ENG: variants seen among roughly 807,000 people sequenced by gnomAD.
ENG encodes the protein endoglin.
A neutral mutation model predicts 71.0 loss-of-function variants in ENG; 17 were observed. The observed-to-expected ratio is 0.24, with a 90% CI of 0.16 to 0.36. The LOEUF (loss-of-function observed/expected upper bound fraction) is 0.36, where lower values mean the gene tolerates loss of function less well. ENG is among the 10% of genes least tolerant of loss of function. The pLI is 1.00. For synonymous variants in ENG, 360 were observed against 366.9 expected, an observed-to-expected ratio of 0.98 and a Z score of 0.21; for missense variants, 749 against 868.3, an observed-to-expected ratio of 0.86 and a Z score of 1.73.
Position 127,818,106 on chromosome 9 carries a change from C to A in ENG, c.1686+14G>T. 1 of 1,614,064 alleles carries A rather than the reference C, an allele frequency of 6.2e-7. No individual in the cohort carries two copies. On this transcript the variant is annotated intron_variant, in intron 12 of 14. Transcript: ENST00000373203. ...CTCCCACTTGAAGCTGGGGCCGGCC[C>A]AGGCCCCACTCACCTGGTCTTGAGA...
intron 1 of ENG, among the ~76,000 whole-genome samples, chr9:127,852,525 C>G (rs41432648): frequency 4.6e-5 from 7 of 152,324 alleles, no homozygotes; most frequent in Non-Finnish European, 1.0e-4. Context: ...TACCTGCTCA[C>G]AGGAACAGAC....
At chr9:127,826,836 C>G (rs1348621438) in intron 3 of ENG, among the ~76,000 whole-genome samples, 164 bp from the exon 4 acceptor site, 1 of 152,100 alleles carries the variant, frequency 6.6e-6, no homozygotes, top group Non-Finnish European at 1.5e-5. Context: ...CCGGAGCCCC[C>G]TAGCAGTCAG....
chr9:127,835,977 C>T (rs1219580990), intron 2 of ENG, among the ~76,000 whole-genome samples: 3 of 152,140 alleles, frequency 2.0e-5, no homozygotes, highest in Non-Finnish European at 2.9e-5. Context: ...AGTTGGGAAA[C>T]TCAGGGGGGC....
chr9:127,840,129 G>A (rs10121110), intron 2 of ENG, among the ~76,000 whole-genome samples: 85,266 of 152,166 alleles, frequency 0.56, 25,434 homozygotes, highest in East Asian at 0.91. Context: ...CAGGTTTCCC[G>A]TGGGAAAATC....
At position 127,815,461 on chromosome 9, in the gene ENG, C is replaced by T; in HGVS notation, c.*221G>A. 1.2e-6 allele frequency: 1 copy of T among 861,606 alleles called. No individual in the cohort carries two copies. Among genetic ancestry groups the T allele is most frequent in the Admixed American group, 3.0e-5 (1 of 33,416 alleles). 53.4% of individuals were successfully genotyped at this position (861,606 alleles called of 1,614,324 possible). A position where few individuals can be genotyped will look rare whatever the true frequency, so the allele number is the denominator to read the frequency against. ...CTCCTGGGCAGCCATATCCCAGACC[C>T]ACTGGGTTGAAGGTTCTGTGGGGTG... On this transcript the variant is annotated 3_prime_UTR_variant, in exon 15 of 15. Coordinates refer to ENST00000373203, the MANE Select transcript of ENG (RefSeq NM_001114753.3).
At chr9:127,832,069 C>CTTTTTTTTTTTTTT (rs1041729379) in intron 2 of ENG, among the ~76,000 whole-genome samples, 2 of 83,642 alleles carry the variant, frequency 2.4e-5, no homozygotes, top group African/African-American at 5.6e-5. Flanking sequence ...AGCTACCATT[C>CTTTTTTTTTTTTTT]TTTTTTTTTT....
At chr9:127,823,252 T>A (rs993329686) in intron 8 of ENG, among the ~76,000 whole-genome samples, 12 of 152,114 alleles carry the variant, frequency 7.9e-5, no homozygotes, top group African/African-American at 2.9e-4. Context: ...TTCAGGCCAT[T>A]CTCCTGCCTC....
At chr9:127,817,115 T>C in intron 13 of ENG, 34 bp downstream of exon 13, 1 of 1,613,784 alleles carries the variant, frequency 6.2e-7, no homozygotes, top group East Asian at 2.2e-5. Context: ...CCTCAGCCAC[T>C]AGAACAAACC....
chr9:127,854,326 A>G lies in ENG; in HGVS notation c.30T>C (p.Val10=). The change falls in exon 1 of 15, where the codon GTT becomes GTC. Residue 10 remains valine (V), a synonymous_variant. Coordinates refer to ENST00000373203, the MANE Select transcript of ENG (RefSeq NM_001114753.3). The stretch of plus-strand genomic sequence containing the variant: ...GGCTGCAGCTGGCCAGCAGCAGGGC[A>G]ACAGCCAGAGGGAGCGTGCCGCGGT... MDRGTLPLA[V]ALLLASCSLS... is the part of the protein sequence containing the mutation. 6.3e-7 allele frequency: 1 copy of G among 1,596,460 alleles called. No individual in the cohort carries two copies. Among genetic ancestry groups the G allele is most frequent in the Non-Finnish European group, 8.5e-7 (1 of 1,172,150 alleles).
At chr9:127,837,942 C>T (rs1039331713) in intron 2 of ENG, among the ~76,000 whole-genome samples, 1 of 152,170 alleles carries the variant, frequency 6.6e-6, no homozygotes, top group African/African-American at 2.4e-5. Context: ...TTCAGCAAGC[C>T]TGCCTCTAAT....
At chr9:127,854,213 G>T in intron 1 of ENG, 76 bp downstream of exon 1, 1 of 1,463,400 alleles carries the variant, frequency 6.8e-7, no homozygotes, top group Non-Finnish European at 9.4e-7. Context: ...GATACAGGAA[G>T]GAGGCCGGGA....
intron 2 of ENG, among the ~76,000 whole-genome samples, chr9:127,834,386 C>T (rs760174272): frequency 4.7e-4 from 69 of 146,074 alleles, no homozygotes; most frequent in Non-Finnish European, 8.3e-4. Flanking sequence ...TACAGGTGTG[C>T]GCCACCATGC....
chr9:127,824,355 T>C lies in ENG; in HGVS notation c.1083A>G (p.Thr361=). ...GGGTCATGGCGTCGTCGGCACACTT[T>C]GTCTGGATCAAGGACATGAGCAGCT... is the stretch of plus-strand genomic sequence containing the variant. ...SPELLMSLIQ[T]KCADDAMTLV... The change falls in exon 8 of 15, where the codon ACA becomes ACG. Residue 361 remains threonine (T), a synonymous_variant. Coordinates refer to ENST00000373203, the MANE Select transcript of ENG (RefSeq NM_001114753.3). 6.2e-7 allele frequency: 1 copy of C among 1,613,962 alleles called. No homozygotes were observed. Among genetic ancestry groups the C allele is most frequent in the African/African-American group, 1.3e-5 (1 of 74,978 alleles).
At chr9:127,825,006 C>T in intron 6 of ENG, 32 bp from the exon 7 acceptor site, 1 of 1,606,030 alleles carries the variant, frequency 6.2e-7, no homozygotes, top group Non-Finnish European at 8.5e-7. Flanking sequence ...GAACAGGGGG[C>T]CATGGACACA....
intron 3 of ENG, among the ~76,000 whole-genome samples, chr9:127,828,998 C>T (rs1363434849): frequency 6.6e-6 from 1 of 152,194 alleles, no homozygotes; most frequent in African/African-American, 2.4e-5. Flanking sequence ...CACCCTGCCT[C>T]CTCCAGCCCT....
At chr9:127,833,677 T>C (rs1258992159) in intron 2 of ENG, among the ~76,000 whole-genome samples, 1 of 152,136 alleles carries the variant, frequency 6.6e-6, no homozygotes, top group African/African-American at 2.4e-5. Flanking sequence ...AAAGCTCTTT[T>C]CAAAGTTATG....
Position 127,824,356 on chromosome 9 carries a change from G to A in ENG, c.1082C>T (p.Thr361Ile), listed in dbSNP as rs1830549193. ...GGTCATGGCGTCGTCGGCACACTTT[G>A]TCTGGATCAAGGACATGAGCAGCTC... ...SPELLMSLIQ[T>I]KCADDAMTLV... The change falls in exon 8 of 15, where the codon ACA becomes ATA. Residue 361 changes from threonine to isoleucine, a missense_variant. Thr to Ile is a moderately conservative substitution (Grantham distance 89). Transcript: ENST00000373203. 1 of 1,614,068 alleles carries A rather than the reference G, an allele frequency of 6.2e-7. No individual in the cohort carries two copies. The highest frequency in any genetic ancestry group is 1.3e-5 in the African/African-American group (1 of 75,012).
At position 127,838,811 on chromosome 9, in the gene ENG, C is replaced by G. The variant is rs1031278316; in HGVS notation, c.219+4283G>C. Among the ~76,000 whole-genome samples, 1 of 152,168 alleles carries G rather than the reference C, an allele frequency of 6.6e-6. No individual in the cohort carries two copies. The highest frequency in any genetic ancestry group is 2.4e-5 in the African/African-American group (1 of 41,436). ...TTCAGGGACCCAGCGAGATCCAGCC[C>G]CTGCCCAGCGGGGCTGTCTGCAGAC... On this transcript the variant is annotated intron_variant, in intron 2 of 14. Transcript: ENST00000373203. The surrounding 1 kb of genome is among the most constrained non-coding windows in gnomAD (Gnocchi z 4.3).
chr9:127,842,033 A>C (rs1831045768), intron 2 of ENG, among the ~76,000 whole-genome samples: 1 of 152,138 alleles, frequency 6.6e-6, no homozygotes, highest in Non-Finnish European at 1.5e-5. Flanking sequence ...AGCGCTTAAC[A>C]AAGGTGTTGT....
Sources: allele counts gnomAD v4.1 joint callset (sites outside exome capture counted in the v4.1 genomes callset), GRCh38; gene constraint gnomAD v4.1.1; non-coding constraint Gnocchi (gnomAD v3.1); transcripts MANE v1.5; gene names NCBI Gene and HGNC (gene_info 2026-07-23, HGNC 2026-07-21).